The following ZNF433 variants were observed in gnomAD, a reference collection of about 807,000 sequenced individuals.
ZNF433 encodes zinc finger protein 433.
In ZNF433, 12 loss-of-function variants were observed where a neutral mutation model predicts 10.6. The observed-to-expected ratio is 1.13, with a 90% confidence interval of 0.72 to 1.83. The LOEUF is 1.83. Ranked by LOEUF, ZNF433 falls within the 40% of genes most tolerant of loss-of-function variation. ZNF433 has a pLI of 0.00. For synonymous variants in ZNF433, 272 were observed against 271.3 expected (o/e 1.00, Z -0.02); for missense variants, 737 against 798.0 (o/e 0.92, Z 0.92).
chr19:12,027,284 A>G (rs1974786406), intron 1 of ZNF433: 1 of 330,112 alleles, frequency 3.0e-6, no homozygotes, highest in African/African-American at 2.2e-5. Context: ...CTCCTGCGAG[A>G]TGTAGCTCAC....
intron 1 of ZNF433, among the ~76,000 whole-genome samples, chr19:12,033,518 C>CA (rs1568343581): frequency 7.1e-6 from 1 of 141,166 alleles, no homozygotes; most frequent in Admixed American, 7.1e-5. Flanking sequence ...GACTCCGTCT[C>CA]AAAAAAACAA....
At chr19:12,016,784 C>T in intron 3 of ZNF433, 118 bp from the exon 4 acceptor site, 9 of 1,365,004 alleles carry the variant, frequency 6.6e-6, no homozygotes, top group South Asian at 1.5e-5. Flanking sequence ...CACTCTCTTG[C>T]CCAGGCTGGA....
intron 1 of ZNF433, among the ~76,000 whole-genome samples, chr19:12,019,052 TAAAAAAAAA>T (rs754859866): frequency 1.6e-5 from 1 of 62,810 alleles, no homozygotes; most frequent in Non-Finnish European, 3.3e-5. Context: ...TCCATCTTAA[TAAAAAAAAA>T]AAAAAAAAAA....
At chr19:12,031,294 C>CAAAAAAAAAAA in intron 1 of ZNF433, among the ~76,000 whole-genome samples, 1 of 36,504 alleles carries the variant, frequency 2.7e-5, no homozygotes, top group Non-Finnish European at 5.5e-5. Flanking sequence ...GACTCCATCT[C>CAAAAAAAAAAA]AAAAAAAAAA....
chr19:12,022,911 C>T (rs1049185828), intron 1 of ZNF433, among the ~76,000 whole-genome samples: 5 of 152,170 alleles, frequency 3.3e-5, no homozygotes, highest in Middle Eastern at 3.2e-3. Flanking sequence ...AATGAGTGTT[C>T]GAGCAGCACC....
chr19:12,021,564 G>A (rs764869284), intron 1 of ZNF433, among the ~76,000 whole-genome samples: 13 of 152,076 alleles, frequency 8.5e-5, no homozygotes, highest in South Asian at 4.1e-4. Flanking sequence ...AGCCTATTAC[G>A]TGTCGTGAGA....
chr19:12,024,774 A>C (rs1418678049), intron 1 of ZNF433: 2 of 152,224 alleles, frequency 1.3e-5, no homozygotes, highest in Non-Finnish European at 2.9e-5. Context: ...TTTCTTCCAC[A>C]TACTAACTCA....
intron 1 of ZNF433, chr19:12,018,498 A>G: frequency 2.2e-6 from 1 of 464,778 alleles, no homozygotes; most frequent in Non-Finnish European, 3.4e-6. Context: ...AAGCAACAGT[A>G]GAATAGGAAA....
chr19:12,026,885 A>T (rs1210639551), intron 1 of ZNF433: 1 of 453,974 alleles, frequency 2.2e-6, no homozygotes, highest in African/African-American at 2.0e-5. Context: ...GATAAGAAGT[A>T]TGGCAAGAGT....
Position 12,014,806 on chromosome 19 carries a change from T to A in ZNF433, c.*39A>T. The A allele has an allele frequency of 6.8e-7, 1 of 1,469,568 alleles. No individual in the cohort carries two copies. The highest frequency in any genetic ancestry group is 9.1e-7 in the Non-Finnish European group (1 of 1,103,434). 91.0% of individuals were successfully genotyped at this position (1,469,568 alleles called of 1,614,324 possible). On this transcript the variant is annotated 3_prime_UTR_variant, in exon 4 of 4. Transcript: ENST00000550507. ...CCAGGCTGGTCTTGAACTCCTGGGC[T>A]TAAGCAGTCCCCCCACCTCAGCCTC...
At position 12,015,404 on chromosome 19, in the gene ZNF433, CTGAA is replaced by C. The variant is rs755755793; in HGVS notation, c.1450_1453del (p.Phe484ValfsTer183). On this transcript the variant is annotated frameshift_variant, in exon 4 of 4. Coordinates refer to ENST00000550507, the MANE Select transcript of ZNF433 (RefSeq NM_001308348.2). LOFTEE classifies it low-confidence loss of function (END_TRUNC). ...ATGTCTATGAAATAAACTGGGCAAA[CTGAA>C]TGTTTTCCCATAACCCTTACATTCA... 16 of 1,614,136 alleles carry C rather than the reference CTGAA, an allele frequency of 9.9e-6. No individual in the cohort carries two copies. In the Admixed American group the frequency reaches 1.3e-4, roughly 13 times the overall value.
At chr19:12,030,884 T>C (rs1425246959) in intron 1 of ZNF433, among the ~76,000 whole-genome samples, 1 of 152,156 alleles carries the variant, frequency 6.6e-6, no homozygotes, top group Non-Finnish European at 1.5e-5. Flanking sequence ...GAGACAAGCC[T>C]GAGCAACATG....
chr19:12,019,330 G>A (rs576619656), intron 1 of ZNF433, among the ~76,000 whole-genome samples: 133 of 152,158 alleles, frequency 8.7e-4, no homozygotes, highest in African/African-American at 2.9e-3. Flanking sequence ...TGGGGCAGGA[G>A]AATCACTTGA....
chr19:12,022,019 C>A (rs938467776), intron 1 of ZNF433: 2 of 455,782 alleles, frequency 4.4e-6, no homozygotes, highest in African/African-American at 4.0e-5. Flanking sequence ...TGGGAACAGG[C>A]CCCCAAATCT....
chr19:12,027,838 A>G (rs2145463527), intron 1 of ZNF433: 1 of 152,248 alleles, frequency 6.6e-6, no homozygotes, highest in South Asian at 2.1e-4. Context: ...TGATATAGAT[A>G]TATGTCAGGA....
rs757241745 is a variant in ZNF433 at position 12,014,852 on chromosome 19, G to C, written c.2006C>G (p.Thr669Ser). ...QVHGRAHCID[T>S]P ...GCCTCCTAAAGCCTGGGGTTATGGG[G>C]TGTCTATGCAGTGAGCCCTTCCATG... is the stretch of plus-strand genomic sequence containing the variant. The change falls in exon 4 of 4, where the codon ACC becomes AGC. Residue 669 changes from threonine to serine, a missense_variant. By Grantham distance (58) the Thr-to-Ser change is moderately conservative. Coordinates refer to ENST00000550507, the MANE Select transcript of ZNF433 (RefSeq NM_001308348.2). The C allele has an allele frequency of 6.4e-7, 1 of 1,568,280 alleles. No individual in the cohort carries two copies. Among genetic ancestry groups the C allele is most frequent in the South Asian group, 1.2e-5 (1 of 83,816 alleles).
chr19:12,018,391 A>G (rs1974321810), intron 1 of ZNF433, 99 bp from the exon 2 acceptor site: 1 of 1,391,050 alleles, frequency 7.2e-7, no homozygotes. Context: ...CTGTGGACTC[A>G]AAACAATTAT....
chr19:12,035,502 TC>T, intron 1 of ZNF433, 34 bp downstream of exon 1: 1 of 1,564,262 alleles, frequency 6.4e-7, no homozygotes. Flanking sequence ...AACCAGCTCC[TC>T]CCCCGCCTCG....
chr19:12,023,853 A>G (rs1393461004), intron 1 of ZNF433: 1 of 152,128 alleles, frequency 6.6e-6, no homozygotes, highest in Non-Finnish European at 1.5e-5. Context: ...GAGCAATTAT[A>G]TAGCCCTGAA....
Sources: gnomAD v4.1 joint callset for allele counts (sites outside exome capture counted in the v4.1 genomes callset) on GRCh38, gnomAD v4.1.1 for gene constraint, MANE v1.5 for transcripts, NCBI Gene and HGNC (gene_info 2026-07-23, HGNC 2026-07-21) for gene names.